Variants in NEBL observed in about 807,000 individuals in gnomAD.
The protein encoded by NEBL is LIM and SH3 protein 2.
NEBL carries 122 observed loss-of-function variants against 140.2 expected under a neutral mutation model. The observed-to-expected ratio is 0.87, with a 90% confidence interval of 0.75 to 1.01. The LOEUF (loss-of-function observed/expected upper bound fraction) is 1.01. Among genes scored for constraint, NEBL ranks in the 50% least tolerant of loss-of-function variants. The probability of loss-of-function intolerance (pLI) is 0.00; values close to 1 mark genes in which losing one functional copy is unlikely to be tolerated. For missense variants in NEBL, 1,365 were observed against 1,231.3 expected (o/e 1.11, Z -1.62); for synonymous variants, 436 against 398.9 (o/e 1.09, Z -1.11).
At chr10:20,982,025 T>A (rs912912879) in intron 3 of NEBL, among the ~76,000 whole-genome samples, 1 of 152,214 alleles carries the variant, frequency 6.6e-6, no homozygotes, top group African/African-American at 2.4e-5. Context: ...TCAATGGGTT[T>A]TAGAGTCTTC....
intron 26 of NEBL, among the ~76,000 whole-genome samples, chr10:20,791,808 A>T (rs1012143122): frequency 6.6e-6 from 1 of 152,232 alleles, no homozygotes; most frequent in Non-Finnish European, 1.5e-5. Context: ...AACGTTGAAG[A>T]GTACTCAAAA....
Position 21,144,926 on chromosome 10 carries a change from T to C in NEBL, c.164+27457A>G, listed in dbSNP as rs369617058. On this transcript the variant is annotated intron_variant, in intron 2 of 6. Coordinates refer to the NEBL transcript ENST00000417816. ...AAATGAAATGAAAAAGTATTAAACA[T>C]GTTCAAGTATATAAAAAGCCCCTTC... Among the ~76,000 whole-genome samples the C allele has an allele frequency of 2.2e-4, 32 of 145,114 alleles. 3 individuals carry two copies. Among genetic ancestry groups the C allele is most frequent in the African/African-American group, 8.0e-4 (31 of 38,906 alleles).
intron 1 of NEBL, among the ~76,000 whole-genome samples, chr10:21,278,330 G>C (rs1842949517): frequency 1.3e-5 from 2 of 152,186 alleles, no homozygotes; most frequent in Admixed American, 1.3e-4. Context: ...TATCATCCCA[G>C]CTACTCAGGA....
At chr10:21,268,908 G>A (rs778445346) in intron 1 of NEBL, among the ~76,000 whole-genome samples, 1 of 152,146 alleles carries the variant, frequency 6.6e-6, no homozygotes, top group Non-Finnish European at 1.5e-5. Flanking sequence ...TAAGGTGATC[G>A]TATGAGTTAA....
intron 3 of NEBL, among the ~76,000 whole-genome samples, chr10:21,226,829 C>A (rs1187596323): frequency 6.6e-6 from 1 of 150,810 alleles, no homozygotes; most frequent in Non-Finnish European, 1.5e-5. Flanking sequence ...AAGGTAGACA[C>A]AGGTACTGTT....
At chr10:20,931,389 A>G (rs1282641936) in intron 4 of NEBL, among the ~76,000 whole-genome samples, 3 of 152,240 alleles carry the variant, frequency 2.0e-5, no homozygotes, top group Non-Finnish European at 2.9e-5. Flanking sequence ...CAGTATATAA[A>G]TACGTTTATA....
chr10:20,991,209 A>C (rs183778907), intron 3 of NEBL, among the ~76,000 whole-genome samples: 2 of 152,200 alleles, frequency 1.3e-5, no homozygotes, highest in African/African-American at 4.8e-5. Context: ...TCTCTGACTT[A>C]ATGAAGAATG....
chr10:20,848,267 T>C (rs1489569896), intron 11 of NEBL, among the ~76,000 whole-genome samples: 3 of 152,252 alleles, frequency 2.0e-5, no homozygotes, highest in Admixed American at 6.5e-5. Flanking sequence ...TACAAACTGT[T>C]ATCTAAAGGA....
chr10:21,238,982 G>T (rs935009346), intron 3 of NEBL, among the ~76,000 whole-genome samples: 6 of 152,124 alleles, frequency 3.9e-5, no homozygotes, highest in Admixed American at 3.3e-4. Flanking sequence ...CAAACCCTTT[G>T]TAGACTGAGT....
At chr10:21,265,361 C>G (rs1293705443) in intron 1 of NEBL, among the ~76,000 whole-genome samples, 1 of 152,214 alleles carries the variant, frequency 6.6e-6, no homozygotes, top group Admixed American at 6.5e-5. Context: ...GGGACACCAA[C>G]ATTCAAACCA....
intron 1 of NEBL, among the ~76,000 whole-genome samples, chr10:21,255,986 A>AT (rs1177499954): frequency 1.3e-5 from 2 of 151,718 alleles, no homozygotes; most frequent in Non-Finnish European, 2.9e-5. Flanking sequence ...TGTCTCAAAA[A>AT]AAAAAAAGAA....
intron 3 of NEBL, among the ~76,000 whole-genome samples, chr10:21,013,917 TA>T (rs1184848719): frequency 6.6e-6 from 1 of 151,926 alleles, no homozygotes; most frequent in Non-Finnish European, 1.5e-5. Flanking sequence ...CCCCTAGGAT[TA>T]AAAAATGGGG....
chr10:21,233,122 G>A (rs1842287479), intron 3 of NEBL, among the ~76,000 whole-genome samples: 1 of 152,098 alleles, frequency 6.6e-6, no homozygotes, highest in South Asian at 2.1e-4. Context: ...GAGTACAATG[G>A]CACAATGTTG....
intron 1 of NEBL, among the ~76,000 whole-genome samples, chr10:21,265,535 A>T (rs1842788234): frequency 6.6e-6 from 1 of 152,204 alleles, no homozygotes; most frequent in Non-Finnish European, 1.5e-5. Flanking sequence ...GAATTCCCTC[A>T]GAAGCAGGTT....
intron 2 of NEBL, among the ~76,000 whole-genome samples, chr10:21,122,082 G>A (rs942857054): frequency 6.6e-6 from 1 of 151,948 alleles, no homozygotes; most frequent in Admixed American, 6.6e-5. Flanking sequence ...CTGGAATGCA[G>A]TGGCACGATC....
At chr10:21,004,944 C>A (rs1036960495) in intron 3 of NEBL, among the ~76,000 whole-genome samples, 7 of 152,196 alleles carry the variant, frequency 4.6e-5, no homozygotes, top group African/African-American at 1.7e-4. Context: ...CTCTCAAGGT[C>A]TTTAGGCATT....
chr10:20,852,281 T>A (rs1420387392), intron 10 of NEBL, among the ~76,000 whole-genome samples: 1 of 152,230 alleles, frequency 6.6e-6, no homozygotes, highest in Non-Finnish European at 1.5e-5. Context: ...AATTAATTCC[T>A]ATCTTGTAAC....
At chr10:20,851,009 G>A (rs1254058263) in intron 10 of NEBL, among the ~76,000 whole-genome samples, 4 of 152,116 alleles carry the variant, frequency 2.6e-5, no homozygotes, top group Admixed American at 6.5e-5. Flanking sequence ...CACTCACACA[G>A]ACCTTATATG....
chr10:21,243,581 AT>A (rs1157813686), intron 3 of NEBL, among the ~76,000 whole-genome samples: 8 of 152,064 alleles, frequency 5.3e-5, no homozygotes, highest in African/African-American at 1.9e-4. Context: ...CCATATTATC[AT>A]TAACTAATTA....
Sources: allele counts gnomAD v4.1 joint callset (sites outside exome capture counted in the v4.1 genomes callset), GRCh38; gene constraint gnomAD v4.1.1; transcripts MANE v1.5; gene names NCBI Gene and HGNC (gene_info 2026-07-23, HGNC 2026-07-21).